Variants in NLN observed in about 807,000 individuals in gnomAD.
NLN encodes the protein neurolysin, mitochondrial.
A neutral mutation model predicts 79.9 loss-of-function variants in NLN; 64 were observed. The observed-to-expected ratio is 0.80, with a 90% CI of 0.65 to 0.99. The LOEUF (loss-of-function observed/expected upper bound fraction) is 0.99. NLN is among the 50% of genes least tolerant of loss of function. NLN has a pLI of 0.00. For synonymous variants in NLN, 267 were observed against 296.6 expected (o/e 0.90, Z 1.02); for missense variants, 835 against 858.7 (o/e 0.97, Z 0.34).
At chr5:65,792,802 T>G in intron 9 of NLN, 147 bp downstream of exon 9, 1 of 712,864 alleles carries the variant, frequency 1.4e-6, no homozygotes, top group South Asian at 1.5e-5. Flanking sequence ...ACCAAAATTT[T>G]CCTTATCCTG....
At chr5:65,732,042 C>G (rs1758622806) in intron 1 of NLN, among the ~76,000 whole-genome samples, 1 of 152,180 alleles carries the variant, frequency 6.6e-6, no homozygotes, top group Admixed American at 6.5e-5. Context: ...TGAGCCACCA[C>G]ACCCAGCATC....
chr5:65,819,335 C>G (rs1760743572), intron 12 of NLN, among the ~76,000 whole-genome samples: 2 of 152,128 alleles, frequency 1.3e-5, no homozygotes, highest in Non-Finnish European at 2.9e-5. Context: ...AGAGAGCAAA[C>G]AGAATACTGA....
chr5:65,732,993 G>A (rs372999223), intron 1 of NLN: 13,424 of 797,736 alleles, frequency 0.017, 1,221 homozygotes, highest in South Asian at 0.047. Context: ...GTAGTAAGGT[G>A]CAGAATTACT....
rs397725018 is a variant in NLN at position 65,738,997 on chromosome 5, T to TAA, written c.41+16583_41+16584insAA. ...TATATATATTATATATTTATATATA[T>TAA]TTTATAATATATATTTATATATATA... On this transcript the variant is annotated intron_variant, in intron 1 of 12. Coordinates refer to ENST00000380985, the MANE Select transcript of NLN (RefSeq NM_020726.5). Among the ~76,000 whole-genome samples the TAA allele has an allele frequency of 9.4e-3, 1,041 of 110,284 alleles. 204 individuals carry two copies. Among genetic ancestry groups the TAA allele is most frequent in the South Asian group, 0.015 (59 of 3,818 alleles). The allele number at this position is 110,284 out of a possible 152,430, so 72.4% of individuals were successfully genotyped here. A position where few individuals can be genotyped will look rare whatever the true frequency, so the allele number is the denominator to read the frequency against.
At chr5:65,778,830 C>T (rs530114663) in intron 4 of NLN, among the ~76,000 whole-genome samples, 45 of 152,126 alleles carry the variant, frequency 3.0e-4, no homozygotes, top group Non-Finnish European at 5.6e-4. Flanking sequence ...TCCAGAAAGA[C>T]ATAGAGAAGC....
chr5:65,726,138 C>T (rs1758464795), intron 1 of NLN, among the ~76,000 whole-genome samples: 1 of 151,336 alleles, frequency 6.6e-6, no homozygotes, highest in African/African-American at 2.4e-5. Context: ...AAATGGTTTT[C>T]CATGAAAAAA....
chr5:65,784,383 G>T (rs1440305624), intron 6 of NLN, among the ~76,000 whole-genome samples: 2 of 152,030 alleles, frequency 1.3e-5, no homozygotes, highest in Non-Finnish European at 1.5e-5. Context: ...AGAATTTTAT[G>T]GTGCCTTAGT....
intron 7 of NLN, 68 bp downstream of exon 7, chr5:65,785,978 A>G: frequency 7.1e-7 from 1 of 1,399,502 alleles, no homozygotes; most frequent in South Asian, 1.2e-5. Flanking sequence ...AGGCCTCAGA[A>G]CATAATATGC....
chr5:65,785,406 A>G (rs549411641), intron 6 of NLN, among the ~76,000 whole-genome samples: 1 of 152,326 alleles, frequency 6.6e-6, no homozygotes, highest in East Asian at 1.9e-4. Context: ...GTATTTTACC[A>G]CAATAAAAAT....
intron 12 of NLN, among the ~76,000 whole-genome samples, chr5:65,813,890 A>G (rs951503299): frequency 1.3e-5 from 2 of 152,020 alleles, no homozygotes; most frequent in Non-Finnish European, 2.9e-5. Context: ...AGATCATGCT[A>G]CTACACTCCA....
intron 6 of NLN, among the ~76,000 whole-genome samples, chr5:65,784,662 T>A (rs1387970419): frequency 6.6e-6 from 1 of 152,230 alleles, no homozygotes; most frequent in Non-Finnish European, 1.5e-5. Flanking sequence ...AAAGGGATTA[T>A]GTTTCAACAC....
rs1760894326 is a variant in NLN, at chr5:65,825,296, T to C, written c.*2381T>C. 6.6e-6 allele frequency: 1 copy of C among 152,110 alleles called. No homozygotes were observed. The highest frequency in any genetic ancestry group is 1.5e-5 in the Non-Finnish European group (1 of 68,024). 9.4% of individuals were successfully genotyped at this position (152,110 alleles called of 1,614,324 possible). On this transcript the variant is annotated 3_prime_UTR_variant, in exon 13 of 13. Transcript: ENST00000380985. Reference sequence around the variant, plus strand: ...TTGAAATGGTGGATAACTATGTAAATTGTAATTGGACAAATGTACACTTTA... The same window carrying C: ...TTGAAATGGTGGATAACTATGTAAACTGTAATTGGACAAATGTACACTTTA...
intron 12 of NLN, among the ~76,000 whole-genome samples, chr5:65,820,475 C>G (rs1760768481): frequency 6.6e-6 from 1 of 152,146 alleles, no homozygotes; most frequent in Admixed American, 6.5e-5. Context: ...CTGTACTGCT[C>G]TACCCAGAGA....
At chr5:65,803,434 AC>A (rs906903781) in intron 9 of NLN, among the ~76,000 whole-genome samples, 6 of 152,216 alleles carry the variant, frequency 3.9e-5, no homozygotes, top group African/African-American at 9.6e-5. Flanking sequence ...GAGCATATGG[AC>A]ACCTGGCCAG....
At chr5:65,800,924 C>G (rs1325026973) in intron 9 of NLN, among the ~76,000 whole-genome samples, 1 of 151,970 alleles carries the variant, frequency 6.6e-6, no homozygotes, top group Non-Finnish European at 1.5e-5. Flanking sequence ...AACTCCTGAG[C>G]TCAATCAATT....
chr5:65,813,082 T>C (rs905172092), intron 12 of NLN, among the ~76,000 whole-genome samples: 1 of 152,224 alleles, frequency 6.6e-6, no homozygotes, highest in African/African-American at 2.4e-5. Flanking sequence ...ATTATCAAAA[T>C]CAGGCTCTCT....
chr5:65,755,541 A>G (rs908998367), intron 1 of NLN, among the ~76,000 whole-genome samples: 7 of 152,200 alleles, frequency 4.6e-5, no homozygotes, highest in Non-Finnish European at 1.0e-4. Context: ...TCTCTTTTTA[A>G]AAGTATTTCT....
chr5:65,777,271 T>A, intron 3 of NLN, 156 bp from the exon 4 acceptor site: 2 of 598,462 alleles, frequency 3.3e-6, no homozygotes, highest in Middle Eastern at 5.9e-4. Flanking sequence ...CACTAAAGTA[T>A]AAAAGAAATT....
At chr5:65,735,649 A>G (rs924238398) in intron 1 of NLN, among the ~76,000 whole-genome samples, 2 of 152,200 alleles carry the variant, frequency 1.3e-5, no homozygotes, top group African/African-American at 4.8e-5. Context: ...CCTTATGAAA[A>G]TAGAGATCTT....
Sources: gnomAD v4.1 joint callset for allele counts (sites outside exome capture counted in the v4.1 genomes callset) on GRCh38, gnomAD v4.1.1 for gene constraint, MANE v1.5 for transcripts, NCBI Gene and HGNC (gene_info 2026-07-23, HGNC 2026-07-21) for gene names.